ATXN1: variants seen among roughly 807,000 people sequenced by gnomAD.
ATXN1 encodes the protein ataxin-1.
ATXN1 carries 8 observed loss-of-function variants against 56.4 expected under a neutral mutation model. The observed-to-expected ratio is 0.14, with a 90% confidence interval of 0.08 to 0.26. ATXN1 has a LOEUF of 0.26. Ranked by LOEUF, ATXN1 falls within the 10% of genes least tolerant of loss-of-function variation. The pLI, the probability that ATXN1 is intolerant of heterozygous loss-of-function variation, is 1.00. For synonymous variants in ATXN1, 514 were observed against 494.6 expected (o/e 1.04, Z -0.52); for missense variants, 987 against 1,106.5 (o/e 0.89, Z 1.53).
intron 2 of ATXN1, among the ~76,000 whole-genome samples, chr6:16,747,652 T>A (rs1285078645): frequency 6.7e-6 from 1 of 150,200 alleles, no homozygotes; most frequent in Admixed American, 6.7e-5. Flanking sequence ...AGATGTTGCC[T>A]TGAAGACCAA....
intron 6 of ATXN1, among the ~76,000 whole-genome samples, chr6:16,415,871 G>T (rs1345409133): frequency 1.3e-5 from 2 of 152,184 alleles, no homozygotes; most frequent in Non-Finnish European, 2.9e-5. Flanking sequence ...ATGGGGCTCT[G>T]AGAGCTCCCT....
chr6:16,358,218 T>TA (rs1312860139), intron 6 of ATXN1, among the ~76,000 whole-genome samples: 1 of 152,188 alleles, frequency 6.6e-6, no homozygotes, highest in East Asian at 1.9e-4. Flanking sequence ...GGTGGGAATG[T>TA]AGACTAATAC....
intron 6 of ATXN1, among the ~76,000 whole-genome samples, chr6:16,462,755 C>T (rs111230250): frequency 0.012 from 1,878 of 152,252 alleles, 35 homozygotes; most frequent in African/African-American, 0.043. Flanking sequence ...ATCAGGCCTG[C>T]CCCTGGGGCA....
intron 6 of ATXN1, among the ~76,000 whole-genome samples, chr6:16,420,747 T>A (rs1014939353): frequency 6.6e-5 from 10 of 152,204 alleles, no homozygotes; most frequent in Non-Finnish European, 1.5e-5. Flanking sequence ...AAGTTGCCAC[T>A]AGATAGAATG....
chr6:16,683,593 C>T (rs1758857601), intron 2 of ATXN1, among the ~76,000 whole-genome samples: 1 of 152,188 alleles, frequency 6.6e-6, no homozygotes, highest in Admixed American at 6.5e-5. Flanking sequence ...TTTTGGGCTA[C>T]CTGAAAGTGT....
chr6:16,424,843 T>C (rs1352459135), intron 6 of ATXN1, among the ~76,000 whole-genome samples: 1 of 152,146 alleles, frequency 6.6e-6, no homozygotes, highest in African/African-American at 2.4e-5. Context: ...TCAGGAAGAC[T>C]CAGAACAGCT....
At chr6:16,628,023 A>ATTAT (rs1253275543) in intron 3 of ATXN1, among the ~76,000 whole-genome samples, 1 of 152,218 alleles carries the variant, frequency 6.6e-6, no homozygotes, top group Non-Finnish European at 1.5e-5. Flanking sequence ...ACCTTCATTA[A>ATTAT]TTATTTTCTC....
chr6:16,695,090 G>T (rs909881819), intron 2 of ATXN1, among the ~76,000 whole-genome samples: 3 of 151,944 alleles, frequency 2.0e-5, no homozygotes, highest in Middle Eastern at 6.3e-3. Context: ...GTGGCTCTTG[G>T]GCACCATGGC....
intron 5 of ATXN1, among the ~76,000 whole-genome samples, chr6:16,499,082 T>C (rs1360277278): frequency 6.6e-6 from 1 of 152,194 alleles, no homozygotes; most frequent in South Asian, 2.1e-4. Context: ...GCCAAATCCA[T>C]GGTCATGAAG....
intron 4 of ATXN1, among the ~76,000 whole-genome samples, chr6:16,569,763 C>G (rs971179023): frequency 6.6e-6 from 1 of 152,148 alleles, no homozygotes; most frequent in Non-Finnish European, 1.5e-5. Context: ...TCCACTTTAC[C>G]TGCAGTTGAC....
At chr6:16,453,743 A>G (rs1401999086) in intron 6 of ATXN1, among the ~76,000 whole-genome samples, 1 of 152,198 alleles carries the variant, frequency 6.6e-6, no homozygotes, top group Admixed American at 6.5e-5. Flanking sequence ...AACTGTCTAC[A>G]CATAAATTTA....
At chr6:16,664,701 G>GTGGTCCTCACACTTT (rs369131707) in intron 2 of ATXN1, among the ~76,000 whole-genome samples, 3 of 151,930 alleles carry the variant, frequency 2.0e-5, no homozygotes, top group African/African-American at 7.3e-5. Context: ...GACTAGGCCA[G>GTGGTCCTCACACTTT]TGGTCCTCAC....
chr6:16,306,078 C>G lies in ATXN1; in HGVS notation c.*251G>C, dbSNP rs1332365241. On this transcript the variant is annotated 3_prime_UTR_variant, in exon 8 of 8. Transcript: ENST00000436367. The surrounding 1 kb of genome is among the most constrained non-coding windows in gnomAD (Gnocchi z 5.2). Reference sequence around the variant, plus strand: ...CTGTGAAGCCCCGTTCCTTTCTTCCCCGGGGATGCCTGGAGCCCTGACCGC... The same window carrying G: ...CTGTGAAGCCCCGTTCCTTTCTTCCGCGGGGATGCCTGGAGCCCTGACCGC... The G allele has an allele frequency of 2.7e-6, 1 of 373,308 alleles. No individual in the cohort carries two copies. The highest frequency in any genetic ancestry group is 4.9e-6 in the Non-Finnish European group (1 of 204,112). 23.1% of individuals were successfully genotyped at this position (373,308 alleles called of 1,614,324 possible). A position where few individuals can be genotyped will look rare whatever the true frequency, so the allele number is the denominator to read the frequency against.
intron 2 of ATXN1, among the ~76,000 whole-genome samples, chr6:16,743,096 A>G (rs1261297890): frequency 1.3e-5 from 2 of 152,224 alleles, no homozygotes; most frequent in African/African-American, 4.8e-5. Flanking sequence ...AAATCTTCAT[A>G]TAATCGAAAT....
At chr6:16,516,991 A>G (rs972202208) in intron 5 of ATXN1, among the ~76,000 whole-genome samples, 2 of 152,234 alleles carry the variant, frequency 1.3e-5, no homozygotes, top group East Asian at 1.9e-4. Flanking sequence ...TGATGACTTG[A>G]TATTTTCCCA....
At chr6:16,553,004 C>T (rs902390130) in intron 4 of ATXN1, among the ~76,000 whole-genome samples, 1 of 152,244 alleles carries the variant, frequency 6.6e-6, no homozygotes, top group Non-Finnish European at 1.5e-5. Context: ...TGGGCAATCG[C>T]ACAGATACCA....
chr6:16,582,119 G>T (rs1370029809), intron 4 of ATXN1, among the ~76,000 whole-genome samples: 5 of 152,130 alleles, frequency 3.3e-5, no homozygotes, highest in Non-Finnish European at 5.9e-5. Context: ...CTCATTGTCA[G>T]TCCCTGACTA....
At chr6:16,366,533 C>T (rs562325735) in intron 6 of ATXN1, among the ~76,000 whole-genome samples, 1 of 152,112 alleles carries the variant, frequency 6.6e-6, no homozygotes, top group Non-Finnish European at 1.5e-5. Flanking sequence ...GTAATCCCAG[C>T]ACTTTGGGAG....
chr6:16,714,517 G>A (rs1459595185), intron 2 of ATXN1, among the ~76,000 whole-genome samples: 1 of 152,086 alleles, frequency 6.6e-6, no homozygotes, highest in East Asian at 1.9e-4. Context: ...GAAAAATACA[G>A]AAATGGCAAA....
Sources: allele counts gnomAD v4.1 joint callset (sites outside exome capture counted in the v4.1 genomes callset), GRCh38; gene constraint gnomAD v4.1.1; non-coding constraint Gnocchi (gnomAD v3.1); transcripts MANE v1.5; gene names NCBI Gene and HGNC (gene_info 2026-07-23, HGNC 2026-07-21).